The following GAP43 variants were observed in gnomAD, a reference collection of about 807,000 sequenced individuals.
GAP43 encodes growth associated protein 43.
A neutral mutation model predicts 18.6 loss-of-function variants in GAP43; 6 were observed. The ratio of observed to expected loss-of-function variants is 0.32; its 90% CI spans 0.18 to 0.64. GAP43 has a LOEUF of 0.64. Among genes scored for constraint, GAP43 ranks in the 30% least tolerant of loss-of-function variants. GAP43 has a pLI of 0.78. For synonymous variants in GAP43, 115 were observed against 111.4 expected, an observed-to-expected ratio of 1.03 and a Z score of -0.20; for missense variants, 292 against 295.5, an observed-to-expected ratio of 0.99 and a Z score of 0.09.
chr3:115,698,522 A>G (rs73136451), intron 2 of GAP43, among the ~76,000 whole-genome samples: 18 of 150,998 alleles, frequency 1.2e-4, no homozygotes, highest in Non-Finnish European at 1.8e-4. Flanking sequence ...TAATTCATAC[A>G]GCTGTAGACA....
At position 115,720,938 on chromosome 3, in the gene GAP43, CCCTA is replaced by C; in HGVS notation, c.*59_*62del. The C allele has an allele frequency of 8.3e-7, 1 of 1,208,236 alleles. No homozygotes were observed. The highest frequency in any genetic ancestry group is 2.4e-5 in the East Asian group (1 of 42,318). 74.8% of individuals were successfully genotyped at this position (1,208,236 alleles called of 1,614,324 possible). On this transcript the variant is annotated 3_prime_UTR_variant, in exon 3 of 3. Coordinates refer to ENST00000305124, the MANE Select transcript of GAP43 (RefSeq NM_002045.4). ...CCTCCCCTCTCCTGAGCCTGTCTCT[CCCTA>C]CCCTCTTCTCAGCTCCACTCTGAAG...
At chr3:115,641,469 T>G (rs1165985265) in intron 1 of GAP43, among the ~76,000 whole-genome samples, 1 of 146,182 alleles carries the variant, frequency 6.8e-6, no homozygotes, top group African/African-American at 2.5e-5. Context: ...AGAGAAAGAG[T>G]GCATTTATAT....
At chr3:115,649,114 A>T (rs570639819) in intron 1 of GAP43, among the ~76,000 whole-genome samples, 51 of 152,246 alleles carry the variant, frequency 3.3e-4, no homozygotes, top group African/African-American at 1.2e-3. Flanking sequence ...GGTTATTAGT[A>T]ACAGAAATTT....
chr3:115,663,718 G>C, intron 1 of GAP43: 1 of 1,517,192 alleles, frequency 6.6e-7, no homozygotes, highest in South Asian at 1.3e-5. Context: ...AAATTGGACT[G>C]ACAGCTCTAC....
intron 2 of GAP43, among the ~76,000 whole-genome samples, chr3:115,677,482 A>T (rs1708907974): frequency 1.3e-5 from 2 of 152,190 alleles, no homozygotes; most frequent in African/African-American, 4.8e-5. Context: ...GAATATTCCC[A>T]GAGCAAGATA....
At chr3:115,692,825 A>G (rs985961785) in intron 2 of GAP43, among the ~76,000 whole-genome samples, 1 of 152,240 alleles carries the variant, frequency 6.6e-6, no homozygotes, top group African/African-American at 2.4e-5. Context: ...TTATGAATTC[A>G]GTTCAAAGAT....
At chr3:115,685,245 T>C (rs1309538936) in intron 2 of GAP43, among the ~76,000 whole-genome samples, 1 of 152,124 alleles carries the variant, frequency 6.6e-6, no homozygotes, top group Non-Finnish European at 1.5e-5. Context: ...TATTGAGAAC[T>C]AGAGGAAGTC....
chr3:115,696,104 T>C (rs76742544), intron 2 of GAP43, among the ~76,000 whole-genome samples: 6,141 of 152,162 alleles, frequency 0.04, 371 homozygotes, highest in East Asian at 0.17. Context: ...GTGATCTCTC[T>C]GAGCTCATCT....
chr3:115,700,417 C>T (rs946937675), intron 2 of GAP43, among the ~76,000 whole-genome samples: 1 of 152,004 alleles, frequency 6.6e-6, no homozygotes, highest in Non-Finnish European at 1.5e-5. Context: ...GTTCTGTTTC[C>T]CTAAAACCAC....
intron 1 of GAP43, among the ~76,000 whole-genome samples, chr3:115,636,548 G>A (rs1215485669): frequency 1.3e-5 from 2 of 152,034 alleles, no homozygotes; most frequent in Non-Finnish European, 2.9e-5. Flanking sequence ...AGAGAAAATA[G>A]TCACTCATTT....
chr3:115,683,174 CA>C (rs1708986231), intron 2 of GAP43, among the ~76,000 whole-genome samples: 1 of 151,400 alleles, frequency 6.6e-6, no homozygotes, highest in South Asian at 2.1e-4. Flanking sequence ...CACACACACA[CA>C]CACACACACA....
chr3:115,628,399 C>T (rs2107463713), intron 1 of GAP43, among the ~76,000 whole-genome samples: 1 of 152,200 alleles, frequency 6.6e-6, no homozygotes, highest in South Asian at 2.1e-4. Context: ...CTATAGTTCT[C>T]TGTCTCACTC....
intron 1 of GAP43, among the ~76,000 whole-genome samples, chr3:115,654,866 T>C (rs1296439737): frequency 6.6e-6 from 1 of 152,164 alleles, no homozygotes; most frequent in East Asian, 1.9e-4. Context: ...TAACATTCTG[T>C]GCAGAGGTCT....
intron 2 of GAP43, among the ~76,000 whole-genome samples, chr3:115,707,158 G>A (rs555490718): frequency 6.6e-6 from 1 of 152,178 alleles, no homozygotes; most frequent in Admixed American, 6.5e-5. Context: ...TTATTGATAT[G>A]GACTTTAAAT....
chr3:115,639,040 T>C (rs1422917131), intron 1 of GAP43, among the ~76,000 whole-genome samples: 2 of 152,060 alleles, frequency 1.3e-5, no homozygotes, highest in Non-Finnish European at 2.9e-5. Flanking sequence ...TAAATTTGAG[T>C]TGAATAAGTG....
At chr3:115,685,422 T>C (rs1391361466) in intron 2 of GAP43, among the ~76,000 whole-genome samples, 1 of 152,114 alleles carries the variant, frequency 6.6e-6, no homozygotes, top group Non-Finnish European at 1.5e-5. Context: ...CTTTGCAAGG[T>C]GTGTAAGAGT....
chr3:115,662,043 G>T (rs4831196), intron 1 of GAP43, among the ~76,000 whole-genome samples: 108,384 of 151,740 alleles, frequency 0.71, 38,911 homozygotes, highest in Admixed American at 0.8. Flanking sequence ...ACCACAATTC[G>T]ATTTTAGCTT....
At chr3:115,664,270 G>A (rs932575547) in intron 1 of GAP43, among the ~76,000 whole-genome samples, 2 of 139,812 alleles carry the variant, frequency 1.4e-5, no homozygotes, top group African/African-American at 5.0e-5. Flanking sequence ...ATATGTGTTA[G>A]TGGGAGGCAT....
chr3:115,698,282 A>AT (rs1345162932), intron 2 of GAP43, among the ~76,000 whole-genome samples: 30 of 1,354 alleles, frequency 0.022, no homozygotes, highest in East Asian at 0.067. Flanking sequence ...ATTATATATA[A>AT]ATATAATATA....
Sources: allele counts gnomAD v4.1 joint callset (sites outside exome capture counted in the v4.1 genomes callset), GRCh38; gene constraint gnomAD v4.1.1; transcripts MANE v1.5; gene names NCBI Gene and HGNC (gene_info 2026-07-23, HGNC 2026-07-21).